SHROOM4: variants seen among roughly 807,000 people sequenced by gnomAD.
SHROOM4 encodes the protein protein Shroom4.
In SHROOM4, 17 loss-of-function variants were observed where a neutral mutation model predicts 80.3. The observed-to-expected ratio is 0.21, with a 90% CI of 0.14 to 0.32. SHROOM4 has a LOEUF of 0.32. SHROOM4 is among the 10% of genes least tolerant of loss of function. SHROOM4 has a pLI of 1.00. For synonymous variants in SHROOM4, 400 were observed against 437.5 expected, an observed-to-expected ratio of 0.91 and a Z score of 1.07; for missense variants, 993 against 1,140.3, an observed-to-expected ratio of 0.87 and a Z score of 1.86.
At position 50,670,099 on chromosome X, in the gene SHROOM4, C is replaced by CT. The variant is rs782591667; in HGVS notation, c.269+25686dup. 3.4e-4 allele frequency among the ~76,000 whole-genome samples: 37 copies of CT among 109,911 alleles called. 1 individual carries two copies. In the South Asian group the frequency reaches 6.3e-3, roughly 19 times the overall value. ...AGCTATAGCCTTACAAAATGCATTT[C>CT]TTTTTTTTTCTTTTTTTATTATTAT... On this transcript the variant is annotated intron_variant, in intron 2 of 8. Coordinates refer to ENST00000376020, the MANE Select transcript of SHROOM4 (RefSeq NM_020717.5).
Position 50,595,080 on chromosome X carries a change from C to T in SHROOM4, c.*1615G>A, listed in dbSNP as rs182573053. 2 of 112,833 alleles carry T rather than the reference C, an allele frequency of 1.8e-5. No individual in the cohort carries two copies. The highest frequency in any genetic ancestry group is 5.6e-4 in the East Asian group (2 of 3,585). 9.3% of individuals were successfully genotyped at this position (112,833 alleles called of 1,213,427 possible). A position where few individuals can be genotyped will look rare whatever the true frequency, so the allele number is the denominator to read the frequency against. On this transcript the variant is annotated 3_prime_UTR_variant, in exon 9 of 9. Coordinates refer to ENST00000376020, the MANE Select transcript of SHROOM4 (RefSeq NM_020717.5). ...GTTGACCTTCAAGGACCCTGAGGAACTCAGCAGTAACTAGAAGAGATGCCA... is the reference window on the plus strand; with the variant it reads ...GTTGACCTTCAAGGACCCTGAGGAATTCAGCAGTAACTAGAAGAGATGCCA...
At chrX:50,664,928 GACACAC>G (rs782486964) in intron 2 of SHROOM4, among the ~76,000 whole-genome samples, 274 of 100,891 alleles carry the variant, frequency 2.7e-3, no homozygotes, top group African/African-American at 8.7e-3. Flanking sequence ...ACACCACACA[GACACAC>G]ACACACACAC....
rs191304864 is a variant in SHROOM4 at position 50,686,650 on chromosome X, C to T, written c.269+9136G>A. ...TTTTATATGTGTGTGTATATAATGT[C>T]ATTTGATCATTATAACAAACTTGCA... On this transcript the variant is annotated intron_variant, in intron 2 of 8. Transcript: ENST00000376020. Among the ~76,000 whole-genome samples the T allele has an allele frequency of 3.0e-4, 33 of 110,653 alleles. No individual in the cohort carries two copies. The East Asian group carries it at 9.1e-3, about 31-fold the overall frequency.
At chrX:50,724,817 A>G (rs782035785) in intron 1 of SHROOM4, among the ~76,000 whole-genome samples, 4 of 111,856 alleles carry the variant, frequency 3.6e-5, no homozygotes, top group South Asian at 3.8e-4. Context: ...TTAAAGAACA[A>G]AAGTTTCTAA....
At chrX:50,667,380 T>C (rs1308773223) in intron 2 of SHROOM4, among the ~76,000 whole-genome samples, 2 of 111,488 alleles carry the variant, frequency 1.8e-5, no homozygotes, top group Non-Finnish European at 3.8e-5. Context: ...AATAAATATA[T>C]TTATTTAACT....
intron 1 of SHROOM4, among the ~76,000 whole-genome samples, chrX:50,795,111 TATG>T (rs1415236647): frequency 2.2e-5 from 1 of 45,165 alleles, no homozygotes; most frequent in African/African-American, 9.4e-5. Context: ...GATATATATA[TATG>T]ATATATATAT....
intron 1 of SHROOM4, among the ~76,000 whole-genome samples, chrX:50,776,360 T>A (rs185881128): frequency 9.0e-6 from 1 of 111,716 alleles, no homozygotes; most frequent in African/African-American, 3.3e-5. Context: ...ATAATAATAA[T>A]ACAAGGTAGT....
downstream of SHROOM4, among the ~76,000 whole-genome samples, chrX:50,582,685 C>A (rs1444318536): frequency 4.5e-5 from 5 of 111,991 alleles, no homozygotes; most frequent in East Asian, 5.6e-4. Flanking sequence ...CTAAAGGAAT[C>A]ATGAAATGAT....
chrX:50,656,897 T>G (rs782723474), intron 2 of SHROOM4, among the ~76,000 whole-genome samples: 1 of 111,177 alleles, frequency 9.0e-6, no homozygotes, highest in African/African-American at 3.3e-5. Flanking sequence ...TCTTTATTTT[T>G]TATTTATTTG....
intron 2 of SHROOM4, among the ~76,000 whole-genome samples, chrX:50,657,742 T>C (rs1364750822): frequency 9.0e-6 from 1 of 110,669 alleles, no homozygotes; most frequent in Non-Finnish European, 1.9e-5. Flanking sequence ...TATGCCTTTG[T>C]ACTATTTGAA....
chrX:50,618,156 G>A (rs955045320), intron 5 of SHROOM4, among the ~76,000 whole-genome samples: 6 of 111,176 alleles, frequency 5.4e-5, no homozygotes, highest in Non-Finnish European at 1.1e-4. Context: ...CCTCCTAAAT[G>A]TACAGAAATT....
intron 2 of SHROOM4, among the ~76,000 whole-genome samples, chrX:50,685,437 G>C (rs925897319): frequency 8.9e-6 from 1 of 112,200 alleles, no homozygotes; most frequent in African/African-American, 3.2e-5. Context: ...ATCCAGGAGA[G>C]AGGTGAAACC....
chrX:50,607,947 C>A lies in SHROOM4; in HGVS notation c.3195G>T (p.Leu1065Phe). 5.0e-6 allele frequency: 6 copies of A among 1,212,000 alleles called. No individual in the cohort carries two copies. The highest frequency in any genetic ancestry group is 6.7e-6 in the Non-Finnish European group (6 of 895,590). The change falls in exon 6 of 9, where the codon TTG becomes TTT. Residue 1065 changes from leucine (L) to phenylalanine (F), a missense_variant. Coordinates refer to ENST00000376020, the MANE Select transcript of SHROOM4 (RefSeq NM_020717.5). ...SRAFSESHISLAPQSTRAWGQ... is the reference protein window; with the variant it reads ...SRAFSESHISFAPQSTRAWGQ... The stretch of plus-strand genomic sequence containing the variant: ...CCCAGGCCCGGGTGCTTTGGGGCGC[C>A]AAGCTGATGTGACTCTCTGAGAAGG...
chrX:50,780,799 T>C (rs1557270579), intron 1 of SHROOM4, among the ~76,000 whole-genome samples: 2 of 111,997 alleles, frequency 1.8e-5, no homozygotes, highest in African/African-American at 6.5e-5. Flanking sequence ...GTTATGGTCT[T>C]TGGTTAATCA....
intron 1 of SHROOM4, among the ~76,000 whole-genome samples, chrX:50,702,403 TTAA>T (rs1434863796): frequency 8.9e-6 from 1 of 111,740 alleles, no homozygotes; most frequent in Admixed American, 9.5e-5. Flanking sequence ...AGCAGCTTTA[TTAA>T]TAATAGAAAG....
chrX:50,732,924 G>A (rs1304685669), intron 1 of SHROOM4, among the ~76,000 whole-genome samples: 6 of 111,987 alleles, frequency 5.4e-5, no homozygotes, highest in African/African-American at 1.9e-4. Flanking sequence ...ATTTCATGAG[G>A]CCAATATTAC....
At chrX:50,812,212 A>G (rs782602430) in intron 1 of SHROOM4, among the ~76,000 whole-genome samples, 35 of 106,846 alleles carry the variant, frequency 3.3e-4, no homozygotes, top group African/African-American at 1.1e-3. Context: ...AGGGCTGCAT[A>G]TCCCATTGTG....
At chrX:50,667,047 C>G (rs917829113) in intron 2 of SHROOM4, among the ~76,000 whole-genome samples, 1 of 111,697 alleles carries the variant, frequency 9.0e-6, no homozygotes. Flanking sequence ...CCATGCTTTC[C>G]CTTTGATTAG....
At position 50,650,962 on chromosome X, in the gene SHROOM4, C is replaced by G. The variant is rs186604126; in HGVS notation, c.270-12654G>C. The stretch of plus-strand genomic sequence containing the variant: ...TTACCCTTAATATTAGCACTGGGAG[C>G]TATTCTTTGCTGTGAGAGTAGACCA... On this transcript the variant is annotated intron_variant, in intron 2 of 8. Coordinates refer to ENST00000376020, the MANE Select transcript of SHROOM4 (RefSeq NM_020717.5). 1.2e-3 allele frequency among the ~76,000 whole-genome samples: 133 copies of G among 111,677 alleles called. 1 individual carries two copies. Among genetic ancestry groups the G allele is most frequent in the African/African-American group, 4.0e-3 (122 of 30,749 alleles).
Sources: gnomAD v4.1 joint callset for allele counts (sites outside exome capture counted in the v4.1 genomes callset) on GRCh38, gnomAD v4.1.1 for gene constraint, MANE v1.5 for transcripts, NCBI Gene and HGNC (gene_info 2026-07-23, HGNC 2026-07-21) for gene names.